The following ARHGAP42 variants were observed in gnomAD, a reference collection of about 807,000 sequenced individuals.
The protein encoded by ARHGAP42 is Rho GTPase activating protein 42, also known as rho GTPase-activating protein 42.
In ARHGAP42, 63 loss-of-function variants were observed where a neutral mutation model predicts 125.0. The observed-to-expected ratio is 0.50, with a 90% confidence interval of 0.41 to 0.62. The LOEUF (loss-of-function observed/expected upper bound fraction) is 0.62. Among genes scored for constraint, ARHGAP42 ranks in the 20% least tolerant of loss-of-function variants. ARHGAP42 has a pLI of 0.00. For synonymous variants in ARHGAP42, 339 were observed against 351.0 expected (o/e 0.97, Z 0.38); for missense variants, 766 against 1,024.2 (o/e 0.75, Z 3.44).
chr11:100,977,593 A>G (rs1448724012), intron 21 of ARHGAP42, among the ~76,000 whole-genome samples: 1 of 152,218 alleles, frequency 6.6e-6, no homozygotes, highest in Non-Finnish European at 1.5e-5. Flanking sequence ...TAAGCAAAAA[A>G]GAGAGATAAA....
At chr11:100,976,748 A>G in intron 20 of ARHGAP42, 67 bp from the exon 21 acceptor site, 1 of 1,522,534 alleles carries the variant, frequency 6.6e-7, no homozygotes, top group South Asian at 1.2e-5. Context: ...TGTTATGCAC[A>G]TGTACGTGTT....
intron 3 of ARHGAP42, among the ~76,000 whole-genome samples, chr11:100,804,920 A>G (rs780261177): frequency 6.6e-6 from 1 of 152,238 alleles, no homozygotes; most frequent in Non-Finnish European, 1.5e-5. Flanking sequence ...AGTACATTAG[A>G]CATCAGGAAT....
chr11:100,979,078 T>TA (rs34577066), intron 22 of ARHGAP42, 29 bp downstream of exon 22: 99 of 1,544,096 alleles, frequency 6.4e-5, no homozygotes, highest in South Asian at 2.9e-4. Flanking sequence ...TAAATGCATC[T>TA]AAAAAAAAGT....
chr11:100,848,222 T>C (rs2135123132), intron 3 of ARHGAP42, among the ~76,000 whole-genome samples: 1 of 152,318 alleles, frequency 6.6e-6, no homozygotes, highest in East Asian at 1.9e-4. Flanking sequence ...ACTGTATTCC[T>C]GAATTATCCG....
chr11:100,722,393 C>CTTTTTTT (rs199744764), intron 1 of ARHGAP42, among the ~76,000 whole-genome samples: 92 of 135,170 alleles, frequency 6.8e-4, no homozygotes, highest in South Asian at 1.6e-3. Context: ...AAATTTATTA[C>CTTTTTTT]TTTTTTTTTT....
intron 5 of ARHGAP42, among the ~76,000 whole-genome samples, chr11:100,918,562 A>G (rs924398531): frequency 4.6e-5 from 7 of 152,240 alleles, no homozygotes; most frequent in African/African-American, 1.4e-4. Flanking sequence ...CTTATCCAGT[A>G]CAAAATATAT....
chr11:100,951,541 T>G (rs965882878), intron 12 of ARHGAP42, among the ~76,000 whole-genome samples: 2 of 152,186 alleles, frequency 1.3e-5, no homozygotes, highest in Non-Finnish European at 2.9e-5. Context: ...GGACAAATCC[T>G]TCATGGAAGA....
chr11:100,756,968 C>A (rs1214897677), intron 1 of ARHGAP42, among the ~76,000 whole-genome samples: 1 of 151,994 alleles, frequency 6.6e-6, no homozygotes, highest in Non-Finnish European at 1.5e-5. Context: ...ATGAATCACC[C>A]CGTAATAATA....
At chr11:100,703,388 G>T (rs926769444) in intron 1 of ARHGAP42, among the ~76,000 whole-genome samples, 4 of 152,222 alleles carry the variant, frequency 2.6e-5, no homozygotes, top group Middle Eastern at 3.4e-3. Flanking sequence ...TGAAGATGTA[G>T]CATTTTTTTT....
At chr11:100,826,343 C>T (rs1426114011) in intron 3 of ARHGAP42, among the ~76,000 whole-genome samples, 1 of 152,100 alleles carries the variant, frequency 6.6e-6, no homozygotes, top group African/African-American at 2.4e-5. Flanking sequence ...CTGACTATCC[C>T]TGCAACTCAG....
chr11:100,836,010 A>G (rs549791317), intron 3 of ARHGAP42, among the ~76,000 whole-genome samples: 26 of 152,172 alleles, frequency 1.7e-4, no homozygotes, highest in Admixed American at 5.9e-4. Context: ...TTTTTGGGTC[A>G]TTTTTCAAAA....
chr11:100,889,464 C>A (rs543021002), intron 4 of ARHGAP42, among the ~76,000 whole-genome samples: 9 of 152,264 alleles, frequency 5.9e-5, no homozygotes, highest in Admixed American at 3.3e-4. Context: ...CCCAGGATAC[C>A]AAACCTCCTA....
Position 100,936,303 on chromosome 11 carries a change from T to G in ARHGAP42, c.803T>G (p.Met268Arg). The G allele has an allele frequency of 6.4e-7, 1 of 1,551,616 alleles. No individual in the cohort carries two copies. The highest frequency in any genetic ancestry group is 8.7e-7 in the Non-Finnish European group (1 of 1,146,914). Reference sequence around the variant, plus strand: ...TACAGACCACCCAGCCAGTGGACGATGGAAGGCTATCTGTATGTCCAGGAG... The same window carrying G: ...TACAGACCACCCAGCCAGTGGACGAGGGAAGGCTATCTGTATGTCCAGGAG... ...QDYRPPSQWT[M>R]EGYLYVQEKR... The change falls in exon 8 of 24, where the codon ATG (methionine) becomes AGG (arginine). Residue 268 changes from methionine (M) to arginine (R), a missense_variant. Met to Arg is a moderately conservative substitution (Grantham distance 91). Transcript: ENST00000298815.
chr11:100,954,153 C>G (rs115953040), intron 12 of ARHGAP42, among the ~76,000 whole-genome samples: 1 of 152,232 alleles, frequency 6.6e-6, no homozygotes, highest in African/African-American at 2.4e-5. Flanking sequence ...TGTCCCCATT[C>G]AAATATGAGT....
intron 4 of ARHGAP42, among the ~76,000 whole-genome samples, chr11:100,868,492 A>G (rs906447909): frequency 2.0e-5 from 3 of 152,218 alleles, no homozygotes; most frequent in African/African-American, 7.2e-5. Flanking sequence ...TTATAGGTAA[A>G]GAAACTGAAG....
chr11:100,917,866 G>C (rs998811518), intron 5 of ARHGAP42, among the ~76,000 whole-genome samples: 2 of 152,112 alleles, frequency 1.3e-5, no homozygotes, highest in East Asian at 1.9e-4. Context: ...GCTCCGCCCA[G>C]CCTAGTAGTA....
intron 8 of ARHGAP42, among the ~76,000 whole-genome samples, chr11:100,938,509 T>C (rs1867795587): frequency 6.6e-6 from 1 of 152,138 alleles, no homozygotes; most frequent in Non-Finnish European, 1.5e-5. Context: ...CTTTATTGGG[T>C]CTAATTGGCA....
At chr11:100,773,934 C>T (rs35270978) in intron 2 of ARHGAP42, among the ~76,000 whole-genome samples, 2 of 152,106 alleles carry the variant, frequency 1.3e-5, no homozygotes, top group African/African-American at 2.4e-5. Context: ...AATCAGGAGA[C>T]TTATTTAAAC....
intron 3 of ARHGAP42, among the ~76,000 whole-genome samples, chr11:100,844,081 G>A (rs920647431): frequency 4.6e-5 from 7 of 152,110 alleles, no homozygotes; most frequent in Non-Finnish European, 8.8e-5. Context: ...AAATAGCATG[G>A]TACTGGTATA....
Sources: gnomAD v4.1 joint callset for allele counts (sites outside exome capture counted in the v4.1 genomes callset) on GRCh38, gnomAD v4.1.1 for gene constraint, MANE v1.5 for transcripts, NCBI Gene and HGNC (gene_info 2026-07-23, HGNC 2026-07-21) for gene names.